The following HPSE2 variants were observed in gnomAD, a reference collection of about 807,000 sequenced individuals.
HPSE2 encodes heparanase 2 (inactive).
A neutral mutation model predicts 60.5 loss-of-function variants in HPSE2; 38 were observed. The ratio of observed to expected loss-of-function variants is 0.63; its 90% CI spans 0.48 to 0.82. The LOEUF is 0.82. Ranked by LOEUF, HPSE2 falls within the 40% of genes least tolerant of loss-of-function variation. The pLI is 0.00. For synonymous variants in HPSE2, 295 were observed against 293.2 expected, an observed-to-expected ratio of 1.01 and a Z score of -0.06; for missense variants, 713 against 740.4, an observed-to-expected ratio of 0.96 and a Z score of 0.43.
intron 2 of HPSE2, among the ~76,000 whole-genome samples, chr10:99,203,209 A>C (rs1357532799): frequency 2.0e-5 from 3 of 151,642 alleles, no homozygotes; most frequent in Non-Finnish European, 4.4e-5. Flanking sequence ...GCCCCCAGAG[A>C]CTCAGACTAC....
intron 3 of HPSE2, among the ~76,000 whole-genome samples, chr10:98,748,305 CA>C (rs905086280): frequency 6.6e-6 from 1 of 151,974 alleles, no homozygotes; most frequent in South Asian, 2.1e-4. Flanking sequence ...AAATCCGTCT[CA>C]AAAAATAATA....
At chr10:99,129,409 T>A (rs1402267350) in intron 3 of HPSE2, among the ~76,000 whole-genome samples, 2 of 152,160 alleles carry the variant, frequency 1.3e-5, no homozygotes, top group African/African-American at 4.8e-5. Context: ...ATACATTTTT[T>A]AAAAATTGAA....
intron 2 of HPSE2, among the ~76,000 whole-genome samples, chr10:99,164,755 TG>T (rs538154746): frequency 1.8e-4 from 28 of 152,316 alleles, no homozygotes; most frequent in African/African-American, 6.5e-4. Context: ...CCAGGCGCAG[TG>T]GCGCATGCCT....
At chr10:99,300,832 C>G in the HPSE2 span, among the ~76,000 whole-genome samples, 3 of 152,144 alleles carry the variant, frequency 2.0e-5, 1 homozygote, top group South Asian at 6.2e-4. Flanking sequence ...GTTAATTATT[C>G]ATGGAAAAAA....
intron 3 of HPSE2, among the ~76,000 whole-genome samples, chr10:98,800,580 G>C (rs1950883368): frequency 6.6e-6 from 1 of 151,310 alleles, no homozygotes; most frequent in Admixed American, 6.6e-5. Context: ...AGGATAATTA[G>C]TGGCTATCAT....
intron 6 of HPSE2, among the ~76,000 whole-genome samples, chr10:98,685,287 G>T (rs1007260671): frequency 6.6e-6 from 1 of 152,054 alleles, no homozygotes; most frequent in Non-Finnish European, 1.5e-5. Context: ...TTTTACATAT[G>T]ATGAGATACA....
At chr10:98,945,350 C>T (rs1300476261) in intron 3 of HPSE2, among the ~76,000 whole-genome samples, 1 of 152,070 alleles carries the variant, frequency 6.6e-6, no homozygotes, top group Admixed American at 6.6e-5. Context: ...CCAGAATTCA[C>T]TCCTTTTCTT....
At chr10:99,054,744 A>G (rs542918201) in intron 3 of HPSE2, among the ~76,000 whole-genome samples, 1 of 152,256 alleles carries the variant, frequency 6.6e-6, no homozygotes, top group East Asian at 1.9e-4. Context: ...GGAGTCTCGC[A>G]CTGTGGCCCA....
At chr10:99,250,646 C>T in the HPSE2 span, among the ~76,000 whole-genome samples, 1,304 of 152,256 alleles carry the variant, frequency 8.6e-3, 14 homozygotes, top group African/African-American at 0.03. Context: ...CAAAATCCTA[C>T]CAACCATACT....
intron 3 of HPSE2, among the ~76,000 whole-genome samples, chr10:99,053,870 G>A (rs4919271): frequency 0.66 from 99,156 of 150,862 alleles, 35,475 homozygotes; most frequent in Non-Finnish European, 0.78. Flanking sequence ...TGGGACTACA[G>A]GTGCACGCTG....
At chr10:99,099,298 A>G (rs1564805336) in intron 3 of HPSE2, among the ~76,000 whole-genome samples, 1 of 152,196 alleles carries the variant, frequency 6.6e-6, no homozygotes, top group Non-Finnish European at 1.5e-5. Context: ...CCACTCTAAT[A>G]CTGCGCTTTT....
At chr10:99,224,708 A>C (rs1173876520) in intron 2 of HPSE2, among the ~76,000 whole-genome samples, 1 of 152,142 alleles carries the variant, frequency 6.6e-6, no homozygotes, top group Non-Finnish European at 1.5e-5. Flanking sequence ...ACCAGGAGAG[A>C]TAATTTAAAT....
chr10:98,733,081 T>C (rs1949267919), intron 4 of HPSE2, among the ~76,000 whole-genome samples: 1 of 152,124 alleles, frequency 6.6e-6, no homozygotes, highest in African/African-American at 2.4e-5. Flanking sequence ...CTATCTCTTC[T>C]ATAAGGATGT....
intron 11 of HPSE2, among the ~76,000 whole-genome samples, chr10:98,478,444 G>A (rs1941108674): frequency 6.6e-6 from 1 of 151,976 alleles, no homozygotes; most frequent in Non-Finnish European, 1.5e-5. Flanking sequence ...GAGCTCAAAG[G>A]GAAGCTATAA....
chr10:99,061,020 T>G (rs1485607535), intron 3 of HPSE2, among the ~76,000 whole-genome samples: 3 of 152,108 alleles, frequency 2.0e-5, no homozygotes, highest in African/African-American at 7.2e-5. Flanking sequence ...TAAAAAAGTT[T>G]AAGCTCACAG....
intron 2 of HPSE2, among the ~76,000 whole-genome samples, chr10:99,176,875 G>C (rs183079944): frequency 1.5e-3 from 234 of 152,032 alleles, no homozygotes; most frequent in South Asian, 6.9e-3. Context: ...CAGAGAAAAA[G>C]GTCGGATTAT....
At chr10:98,473,902 G>A (rs1025508397) in intron 11 of HPSE2, among the ~76,000 whole-genome samples, 6 of 152,164 alleles carry the variant, frequency 3.9e-5, no homozygotes, top group African/African-American at 1.4e-4. Context: ...TGTCGGGGAT[G>A]TTATAGAAGA....
At chr10:98,495,473 T>A (rs1941803951) in intron 9 of HPSE2, among the ~76,000 whole-genome samples, 1 of 152,186 alleles carries the variant, frequency 6.6e-6, no homozygotes, top group African/African-American at 2.4e-5. Flanking sequence ...TTTTCTGTGA[T>A]CCTTTTTCTC....
intron 3 of HPSE2, among the ~76,000 whole-genome samples, chr10:99,001,513 A>G (rs1589495789): frequency 1.3e-5 from 2 of 152,266 alleles, no homozygotes; most frequent in African/African-American, 4.8e-5. Context: ...AACTCAGGCC[A>G]TGATTACATA....
Sources: allele counts gnomAD v4.1 joint callset (sites outside exome capture counted in the v4.1 genomes callset), GRCh38; gene constraint gnomAD v4.1.1; transcripts MANE v1.5; gene names NCBI Gene and HGNC (gene_info 2026-07-23, HGNC 2026-07-21).